Variants in SH3BGRL2 observed in about 807,000 individuals in gnomAD.
The protein encoded by SH3BGRL2 is SH3 domain-binding glutamic acid-rich-like protein 2.
Under a neutral mutation model 14.8 loss-of-function variants are expected in SH3BGRL2, and 21 were observed. That is an observed-to-expected ratio of 1.42 (90% CI 1.01 to 2.05). The LOEUF (loss-of-function observed/expected upper bound fraction) is 2.05. Among genes scored for constraint, SH3BGRL2 ranks in the 30% most tolerant of loss-of-function variants. The pLI, the probability that SH3BGRL2 is intolerant of heterozygous loss-of-function variation, is 0.00. For synonymous variants in SH3BGRL2, 50 were observed against 47.8 expected, an observed-to-expected ratio of 1.05 and a Z score of -0.19; for missense variants, 147 against 130.8, an observed-to-expected ratio of 1.12 and a Z score of -0.61.
upstream of SH3BGRL2, among the ~76,000 whole-genome samples, chr6:79,627,598 TTAGA>T (rs958585122): frequency 6.3e-4 from 96 of 152,346 alleles, no homozygotes; most frequent in African/African-American, 2.0e-3. Flanking sequence ...GCTAACATTC[TTAGA>T]TAGTCTCTAC....
rs192470885 is a variant in SH3BGRL2, at chr6:79,684,675, C to T, written c.231+10876C>T. Among the ~76,000 whole-genome samples the T allele has an allele frequency of 6.1e-3, 923 of 152,148 alleles. 1 individual carries two copies. Among genetic ancestry groups the T allele is most frequent in the Admixed American group, 8.7e-3 (133 of 15,280 alleles). On this transcript the variant is annotated intron_variant, in intron 2 of 3. Transcript: ENST00000369838. ...GCATTCCCATTTTATTAATAAAGTT[C>T]GAAGCCAGATTGTTAAAAGCAATCT...
chr6:79,599,201 T>G, the SH3BGRL2 span, among the ~76,000 whole-genome samples: 5 of 152,134 alleles, frequency 3.3e-5, no homozygotes, highest in Admixed American at 6.6e-5. Context: ...AAATACTAAG[T>G]GTTAGCATGA....
the SH3BGRL2 span, among the ~76,000 whole-genome samples, chr6:79,601,664 C>T: frequency 2.6e-5 from 4 of 152,242 alleles, no homozygotes; most frequent in Admixed American, 2.6e-4. Flanking sequence ...ATATAGTCCT[C>T]AGTTGATTCA....
At chr6:79,678,908 C>T (rs1026254377) in intron 2 of SH3BGRL2, among the ~76,000 whole-genome samples, 3 of 152,142 alleles carry the variant, frequency 2.0e-5, no homozygotes, top group South Asian at 2.1e-4. Context: ...CTTAGGATTA[C>T]GGCTGCCAGT....
chr6:79,631,271 T>C, upstream of SH3BGRL2: 1 of 432,226 alleles, frequency 2.3e-6, no homozygotes, highest in South Asian at 6.6e-5. Context: ...CTCCTTCCCC[T>C]TCAGCCTGCG....
At chr6:79,599,774 T>C in the SH3BGRL2 span, among the ~76,000 whole-genome samples, 1 of 152,148 alleles carries the variant, frequency 6.6e-6, no homozygotes. Context: ...CAAATAGAAA[T>C]TGAGTGCTAT....
the SH3BGRL2 span, among the ~76,000 whole-genome samples, chr6:79,588,350 T>C: frequency 6.8e-6 from 1 of 147,182 alleles, no homozygotes; most frequent in South Asian, 2.2e-4. Context: ...CTAGGAAATA[T>C]AGGGGGAAAC....
At chr6:79,556,295 T>C in the SH3BGRL2 span, among the ~76,000 whole-genome samples, 13 of 152,030 alleles carry the variant, frequency 8.6e-5, no homozygotes, top group Admixed American at 8.5e-4. Context: ...TGACAAAATA[T>C]TAGTCTAAAA....
the SH3BGRL2 span, among the ~76,000 whole-genome samples, chr6:79,546,236 C>CT: frequency 6.6e-6 from 1 of 152,000 alleles, no homozygotes; most frequent in East Asian, 1.9e-4. Context: ...GAATTAACAA[C>CT]TTTTTTTTCC....
Position 79,681,665 on chromosome 6 carries a change from T to C in SH3BGRL2, c.231+7866T>C, listed in dbSNP as rs117531707. Among the ~76,000 whole-genome samples, 131 of 152,310 alleles carry C rather than the reference T, an allele frequency of 8.6e-4. No individual in the cohort carries two copies. In the East Asian group the frequency reaches 0.015, roughly 18 times the overall value. Reference sequence around the variant, plus strand: ...AGCAGAGCCCAAGCACAACTAAGTATATACAGTTGCAGTTGATCTCAAGTG... The same window carrying C: ...AGCAGAGCCCAAGCACAACTAAGTACATACAGTTGCAGTTGATCTCAAGTG... On this transcript the variant is annotated intron_variant, in intron 2 of 3. Coordinates refer to ENST00000369838, the MANE Select transcript of SH3BGRL2 (RefSeq NM_031469.4).
At chr6:79,669,908 C>T (rs1396622521) in intron 1 of SH3BGRL2, among the ~76,000 whole-genome samples, 1 of 152,136 alleles carries the variant, frequency 6.6e-6, no homozygotes, top group Admixed American at 6.5e-5. Context: ...GGAGGGCTCA[C>T]TGAGAAAGGG....
the SH3BGRL2 span, among the ~76,000 whole-genome samples, chr6:79,590,806 A>T: frequency 3.7e-4 from 56 of 152,196 alleles, 1 homozygote; most frequent in East Asian, 8.7e-3. Context: ...AAACCTGCAC[A>T]TGTACCTCCT....
chr6:79,638,367 G>C (rs1768966730), intron 1 of SH3BGRL2, among the ~76,000 whole-genome samples: 1 of 152,140 alleles, frequency 6.6e-6, no homozygotes, highest in South Asian at 2.1e-4. Context: ...GACTTAGATG[G>C]ATTCCATGTC....
chr6:79,671,817 G>A (rs536837457), intron 1 of SH3BGRL2, among the ~76,000 whole-genome samples: 2 of 152,254 alleles, frequency 1.3e-5, no homozygotes, highest in East Asian at 3.9e-4. Flanking sequence ...TTAGTTCCAG[G>A]CCATGTTCAC....
the SH3BGRL2 span, among the ~76,000 whole-genome samples, chr6:79,581,035 C>T: frequency 6.6e-6 from 1 of 152,162 alleles, no homozygotes; most frequent in African/African-American, 2.4e-5. Context: ...ACTAGAAAAT[C>T]TACAAGAAAT....
chr6:79,649,983 T>TCACACACACACA (rs370228264), intron 1 of SH3BGRL2, among the ~76,000 whole-genome samples: 252 of 132,330 alleles, frequency 1.9e-3, no homozygotes, highest in Non-Finnish European at 2.2e-3. Context: ...TCTCTCTCTC[T>TCACACACACACA]CTCACACACA....
the SH3BGRL2 span, among the ~76,000 whole-genome samples, chr6:79,554,506 T>C: frequency 6.6e-6 from 1 of 152,222 alleles, no homozygotes; most frequent in South Asian, 2.1e-4. Flanking sequence ...GAGTCTGCAA[T>C]AGGGAGTAAA....
At chr6:79,643,955 G>A (rs1769080246) in intron 1 of SH3BGRL2, among the ~76,000 whole-genome samples, 2 of 152,186 alleles carry the variant, frequency 1.3e-5, no homozygotes, top group Admixed American at 1.3e-4. Flanking sequence ...GGGTTGAACT[G>A]GAAGGAGTAA....
intron 1 of SH3BGRL2, among the ~76,000 whole-genome samples, chr6:79,652,299 C>T (rs905281762): frequency 3.3e-5 from 5 of 152,142 alleles, no homozygotes; most frequent in African/African-American, 1.2e-4. Flanking sequence ...TGAGGGTAAT[C>T]ATTTAGAAAC....
Sources: gnomAD v4.1 joint callset for allele counts (sites outside exome capture counted in the v4.1 genomes callset) on GRCh38, gnomAD v4.1.1 for gene constraint, MANE v1.5 for transcripts, NCBI Gene and HGNC (gene_info 2026-07-23, HGNC 2026-07-21) for gene names.